Variants in CRISPLD2 observed in about 807,000 individuals in gnomAD.
The protein encoded by CRISPLD2 is cysteine-rich secretory protein LCCL domain-containing 2.
CRISPLD2 carries 47 observed loss-of-function variants against 71.1 expected under a neutral mutation model. That is an observed-to-expected ratio of 0.66 (90% CI 0.52 to 0.84). The LOEUF (loss-of-function observed/expected upper bound fraction) is 0.84. CRISPLD2 is among the 40% of genes least tolerant of loss of function. CRISPLD2 has a pLI of 0.00. For missense variants in CRISPLD2, 830 were observed against 651.1 expected (o/e 1.27, Z -2.99); for synonymous variants, 317 against 250.1 (o/e 1.27, Z -2.52).
At chr16:84,828,098 C>A (rs1237901105) in intron 1 of CRISPLD2, among the ~76,000 whole-genome samples, 1 of 152,186 alleles carries the variant, frequency 6.6e-6, no homozygotes, top group African/African-American at 2.4e-5. Context: ...GGGATTTTCA[C>A]CTGCAGAGTG....
At chr16:84,870,024 C>G (rs1404185741) in intron 8 of CRISPLD2, among the ~76,000 whole-genome samples, 2 of 152,186 alleles carry the variant, frequency 1.3e-5, no homozygotes, top group African/African-American at 2.4e-5. Flanking sequence ...GTTACTCAGC[C>G]CCAGTGTGCC....
chr16:84,879,320 A>G (rs945460572), intron 12 of CRISPLD2, among the ~76,000 whole-genome samples: 53 of 152,170 alleles, frequency 3.5e-4, no homozygotes, highest in Middle Eastern at 3.2e-3. Flanking sequence ...TTCCAAAAGA[A>G]GTAGGAAAGA....
intron 14 of CRISPLD2, among the ~76,000 whole-genome samples, chr16:84,895,803 G>T (rs199694461): frequency 6.6e-6 from 1 of 152,276 alleles, no homozygotes; most frequent in East Asian, 1.9e-4. Context: ...GCACCTGCTG[G>T]ATGCTCGCCT....
At chr16:84,866,765 T>A (rs1229479180) in intron 6 of CRISPLD2, 132 bp from the exon 7 acceptor site, 1 of 847,206 alleles carries the variant, frequency 1.2e-6, no homozygotes, top group African/African-American at 1.7e-5. Flanking sequence ...AACTTTCTCT[T>A]TGCCGCTGAA....
chr16:84,903,507 G>A (rs952193993), intron 14 of CRISPLD2, among the ~76,000 whole-genome samples: 4 of 151,620 alleles, frequency 2.6e-5, no homozygotes, highest in African/African-American at 7.3e-5. Context: ...CAGGAGAATC[G>A]CTTGAACCTG....
chr16:84,885,153 G>A (rs1263946439), intron 13 of CRISPLD2, among the ~76,000 whole-genome samples: 2 of 152,200 alleles, frequency 1.3e-5, no homozygotes, highest in African/African-American at 2.4e-5. Flanking sequence ...GGGTAGGGGC[G>A]GGGGTGGATT....
chr16:84,824,073 G>A (rs8048917), intron 1 of CRISPLD2, among the ~76,000 whole-genome samples: 36,976 of 152,018 alleles, frequency 0.24, 4,844 homozygotes, highest in Non-Finnish European at 0.3. Context: ...GCCTGATAAC[G>A]CCTAGAGGAA....
At chr16:84,847,903 C>G (rs551300791) in intron 3 of CRISPLD2, among the ~76,000 whole-genome samples, 3 of 152,274 alleles carry the variant, frequency 2.0e-5, no homozygotes, top group African/African-American at 4.8e-5. Context: ...CTGCAAATGC[C>G]CTAATGATCC....
At chr16:84,906,485 C>T (rs551692541) in intron 14 of CRISPLD2, 103 bp from the exon 15 acceptor site, 38 of 1,185,098 alleles carry the variant, frequency 3.2e-5, no homozygotes, top group African/African-American at 9.2e-5. Flanking sequence ...TCTTCCACTA[C>T]GGGAGCAAGC....
chr16:84,901,623 C>T (rs1448991274), intron 14 of CRISPLD2, among the ~76,000 whole-genome samples: 85 of 133,216 alleles, frequency 6.4e-4, no homozygotes, highest in Middle Eastern at 5.6e-3. Flanking sequence ...AGGCATCTGC[C>T]ACCATACCCA....
intron 14 of CRISPLD2, among the ~76,000 whole-genome samples, chr16:84,899,088 A>G (rs2071731162): frequency 6.6e-6 from 1 of 152,114 alleles, no homozygotes; most frequent in Non-Finnish European, 1.5e-5. Flanking sequence ...GACAGGGGTC[A>G]CTGTGTCACC....
At chr16:84,885,525 G>A (rs550614458) in intron 13 of CRISPLD2, among the ~76,000 whole-genome samples, 40 of 152,288 alleles carry the variant, frequency 2.6e-4, no homozygotes, top group African/African-American at 9.1e-4. Flanking sequence ...GCAGGTCCAC[G>A]GCCTTCTGCC....
intron 6 of CRISPLD2, among the ~76,000 whole-genome samples, chr16:84,861,441 A>G (rs1345772163): frequency 6.6e-6 from 1 of 152,206 alleles, no homozygotes; most frequent in East Asian, 1.9e-4. Flanking sequence ...CCAAAGCTAA[A>G]GAACTTGAAG....
intron 8 of CRISPLD2, among the ~76,000 whole-genome samples, chr16:84,870,233 A>G (rs2071455749): frequency 6.6e-6 from 1 of 152,086 alleles, no homozygotes. Flanking sequence ...GTGTTCCAAA[A>G]TCTCATCAAT....
chr16:84,873,218 G>A (rs1231953097), intron 10 of CRISPLD2, 96 bp downstream of exon 10: 12 of 1,416,240 alleles, frequency 8.5e-6, no homozygotes, highest in Admixed American at 2.1e-5. Flanking sequence ...CGGGCGTGGT[G>A]GCTCACACCT....
In CRISPLD2 at chr16:84,895,419, T is replaced by C. The variant is rs138791406; in HGVS notation, c.1439+6056T>C. On this transcript the variant is annotated intron_variant, in intron 14 of 14. Coordinates refer to ENST00000262424, the MANE Select transcript of CRISPLD2 (RefSeq NM_031476.4). ...CTGTCTTTACGATACAAGAAATACATACTTATTATTTAAATAATACATCCA... is the reference window on the plus strand; with the variant it reads ...CTGTCTTTACGATACAAGAAATACACACTTATTATTTAAATAATACATCCA... 6.7e-4 allele frequency among the ~76,000 whole-genome samples: 102 copies of C among 152,272 alleles called. 1 individual carries two copies. The highest frequency in any genetic ancestry group is 2.4e-3 in the African/African-American group (100 of 41,542).
At chr16:84,831,067 G>T (rs1567678645) in intron 1 of CRISPLD2, among the ~76,000 whole-genome samples, 1 of 152,228 alleles carries the variant, frequency 6.6e-6, no homozygotes, top group Admixed American at 6.5e-5. Flanking sequence ...CGGGGTCCAG[G>T]GAGGGAGGCT....
intron 14 of CRISPLD2, among the ~76,000 whole-genome samples, chr16:84,904,323 G>A (rs1175285522): frequency 4.1e-5 from 6 of 145,070 alleles, no homozygotes; most frequent in African/African-American, 1.3e-4. Context: ...GGTGGCTTAC[G>A]CCTGAAATCC....
At chr16:84,889,153 GAAT>G in intron 13 of CRISPLD2, 74 bp from the exon 14 acceptor site, 1 of 1,601,284 alleles carries the variant, frequency 6.2e-7, no homozygotes, top group African/African-American at 1.3e-5. Flanking sequence ...GCCCAGCAGT[GAAT>G]GATGGAGCCC....
Sources: allele counts gnomAD v4.1 joint callset (sites outside exome capture counted in the v4.1 genomes callset), GRCh38; gene constraint gnomAD v4.1.1; transcripts MANE v1.5; gene names NCBI Gene and HGNC (gene_info 2026-07-23, HGNC 2026-07-21).